SPDYC: variants seen among roughly 807,000 people sequenced by gnomAD.
SPDYC encodes speedy/RINGO cell cycle regulator family member C.
In SPDYC, 25 loss-of-function variants were observed where a neutral mutation model predicts 33.9. The ratio of observed to expected loss-of-function variants is 0.74; its 90% CI spans 0.54 to 1.03. The LOEUF (loss-of-function observed/expected upper bound fraction) is 1.03. Ranked by LOEUF, SPDYC falls within the 50% of genes least tolerant of loss-of-function variation. SPDYC has a pLI of 0.00. For missense variants in SPDYC, 349 were observed against 382.9 expected (o/e 0.91, Z 0.74); for synonymous variants, 133 against 140.2 (o/e 0.95, Z 0.36).
intron 1 of SPDYC, 72 bp downstream of exon 1, chr11:65,170,333 G>A (rs1038888950): frequency 6.9e-6 from 10 of 1,456,942 alleles, no homozygotes; most frequent in Non-Finnish European, 9.2e-6. Flanking sequence ...TTGGCCCTGG[G>A]GTGGTCGACC....
intron 2 of SPDYC, 84 bp downstream of exon 2, chr11:65,171,583 C>T: frequency 1.4e-6 from 2 of 1,385,796 alleles, no homozygotes; most frequent in Non-Finnish European, 1.9e-6. Context: ...CCTGCCTGTA[C>T]AGACATCTGA....
exon 6 of SPDYC, chr11:65,172,712 C>A: frequency 1.2e-6 from 2 of 1,610,890 alleles, no homozygotes; most frequent in South Asian, 1.1e-5. Flanking sequence ...TTCCACTGGG[C>A]TTGGACTCGG....
exon 3 of SPDYC, chr11:65,171,989 G>T: frequency 6.2e-7 from 1 of 1,614,090 alleles, no homozygotes; most frequent in Non-Finnish European, 8.5e-7. Context: ...CCTGCTTCCA[G>T]ATTTCAGATA....
At chr11:65,171,305 C>CGACT in intron 1 of SPDYC, 22 bp from the exon 2 acceptor site, 1 of 1,599,848 alleles carries the variant, frequency 6.3e-7, no homozygotes, top group East Asian at 2.3e-5. Context: ...CATGCTAAGT[C>CGACT]CTGAGCCTCC....
At chr11:65,170,316 G>T in intron 1 of SPDYC, 55 bp downstream of exon 1, 2 of 1,507,474 alleles carry the variant, frequency 1.3e-6, no homozygotes, top group East Asian at 2.5e-5. Context: ...AGATGGAGGG[G>T]CCCAGATTGG....
intron 2 of SPDYC, 81 bp downstream of exon 2, chr11:65,171,580 G>A (rs928307673): frequency 2.2e-6 from 3 of 1,391,024 alleles, no homozygotes; most frequent in Admixed American, 2.9e-5. Flanking sequence ...TCACCTGCCT[G>A]TACAGACATC....
At chr11:65,173,132 G>A (rs753443955) in intron 6 of SPDYC, 51 bp from the exon 7 acceptor site, 19 of 1,609,976 alleles carry the variant, frequency 1.2e-5, no homozygotes, top group South Asian at 4.4e-5. Flanking sequence ...TGCCCCTCCC[G>A]TGTGAGCTTG....
exon 3 of SPDYC, chr11:65,171,978 C>A: frequency 1.9e-6 from 3 of 1,614,016 alleles, no homozygotes; most frequent in Non-Finnish European, 2.5e-6. Flanking sequence ...CTCCAAAGAC[C>A]CCTGCTTCCA....
intron 1 of SPDYC, among the ~76,000 whole-genome samples, chr11:65,170,985 G>T (rs111611709): frequency 1.2e-4 from 19 of 152,224 alleles, no homozygotes; most frequent in African/African-American, 4.6e-4. Flanking sequence ...CTCGTTTGAC[G>T]ACCGGTCTGA....
chr11:65,170,377 T>G, intron 1 of SPDYC, 116 bp downstream of exon 1: 1 of 1,064,450 alleles, frequency 9.4e-7, no homozygotes, highest in Non-Finnish European at 1.3e-6. Flanking sequence ...TTGGCTTCTC[T>G]CTCTCAGGGA....
chr11:65,173,090 G>T, intron 6 of SPDYC, 76 bp downstream of exon 6: 2 of 1,598,340 alleles, frequency 1.3e-6, no homozygotes, highest in Non-Finnish European at 1.7e-6. Flanking sequence ...AACAATATGA[G>T]AGAGAGGGCC....
At position 65,172,606 on chromosome 11, in the gene SPDYC, G is replaced by T; in HGVS notation, c.516+1G>T. On this transcript the variant is annotated splice_donor_variant, in intron 5 of 6. Transcript: ENST00000377185. LOFTEE classifies it high-confidence loss of function. Reference sequence around the variant, plus strand: ...TGTGAGCCGCCAGTGCTGTGAGGAGGTGAGGCTGGGAGGCAACCTGGGGTG... The same window carrying T: ...TGTGAGCCGCCAGTGCTGTGAGGAGTTGAGGCTGGGAGGCAACCTGGGGTG... 1 of 1,552,470 alleles carries T rather than the reference G, an allele frequency of 6.4e-7. No individual in the cohort carries two copies. The highest frequency in any genetic ancestry group is 1.9e-5 in the Admixed American group (1 of 51,926).
exon 6 of SPDYC, chr11:65,172,859 A>G: frequency 1.9e-6 from 3 of 1,614,152 alleles, no homozygotes; most frequent in Non-Finnish European, 8.5e-7. Context: ...CACTTGCTTA[A>G]GCCTGTGTCA....
At chr11:65,173,269 C>A (rs767561475), downstream of SPDYC, 8 of 1,597,092 alleles carry the variant, frequency 5.0e-6, no homozygotes, top group Non-Finnish European at 6.8e-6. Context: ...ACTGACACAC[C>A]ATTGGCTGTG....
At chr11:65,171,123 G>A (rs1164249221) in intron 1 of SPDYC, among the ~76,000 whole-genome samples, 4 of 152,030 alleles carry the variant, frequency 2.6e-5, no homozygotes, top group African/African-American at 9.7e-5. Flanking sequence ...GCCAGGAGGA[G>A]GGTGAGGGTG....
rs1336576663 is a variant in SPDYC at position 65,171,505 on chromosome 11, T to C, written c.199+6T>C. 1.3e-6 allele frequency: 2 copies of C among 1,554,278 alleles called. No homozygotes were observed. Among genetic ancestry groups the C allele is most frequent in the Middle Eastern group, 2.1e-4 (1 of 4,840 alleles). On this transcript the variant is annotated splice_donor_region_variant and intron_variant, in intron 2 of 6. Coordinates refer to ENST00000377185, the Ensembl canonical transcript of SPDYC. ...GGCCTTCCTCAGCCTTCTGGGTGAG[T>C]TTGGAGGGCTGGCACGGGAGGGGCC...
exon 2 of SPDYC, chr11:65,171,465 G>C: frequency 6.3e-7 from 1 of 1,593,174 alleles, no homozygotes; most frequent in Non-Finnish European, 8.5e-7. Flanking sequence ...GTTTTCGCCA[G>C]CACCAGGAGG....
At chr11:65,171,378 C>G (rs777022095) in exon 2 of SPDYC, 16 of 1,611,920 alleles carry the variant, frequency 9.9e-6, no homozygotes, top group South Asian at 4.4e-5. Flanking sequence ...CCCAAGACCC[C>G]ACCACTTCCC....
At position 65,171,478 on chromosome 11, in the gene SPDYC, CA is replaced by C; in HGVS notation, c.179del (p.Gln60ArgfsTer42). The C allele has an allele frequency of 3.2e-6, 5 of 1,585,118 alleles. No homozygotes were observed. Among genetic ancestry groups the C allele is most frequent in the Non-Finnish European group, 4.3e-6 (5 of 1,167,546 alleles). ...CCGTTTTCGCCAGCACCAGGAGGTC[CA>C]GGCCTTCCTCAGCCTTCTGGGTGAG... On this transcript the variant is annotated frameshift_variant, in exon 2 of 7. Coordinates refer to ENST00000377185, the Ensembl canonical transcript of SPDYC. LOFTEE classifies it high-confidence loss of function.
Sources: allele counts gnomAD v4.1 joint callset (sites outside exome capture counted in the v4.1 genomes callset), GRCh38; gene constraint gnomAD v4.1.1; transcripts MANE v1.5; gene names NCBI Gene and HGNC (gene_info 2026-07-23, HGNC 2026-07-21).